Variants in MYO1B observed in about 807,000 individuals in gnomAD.
MYO1B encodes the protein myosin IB.
A neutral mutation model predicts 159.7 loss-of-function variants in MYO1B; 72 were observed. The ratio of observed to expected loss-of-function variants is 0.45; its 90% CI spans 0.37 to 0.55. The LOEUF is 0.55. Ranked by LOEUF, MYO1B falls within the 20% of genes least tolerant of loss-of-function variation. The pLI is 0.00. For missense variants in MYO1B, 1,062 were observed against 1,364.8 expected (o/e 0.78, Z 3.50); for synonymous variants, 468 against 473.8 (o/e 0.99, Z 0.16).
chr2:191,389,641 C>T (rs1222090044), intron 17 of MYO1B, among the ~76,000 whole-genome samples: 2 of 152,202 alleles, frequency 1.3e-5, no homozygotes, highest in Non-Finnish European at 2.9e-5. Flanking sequence ...CTGGCCACAT[C>T]TACTTGCAAA....
intron 24 of MYO1B, among the ~76,000 whole-genome samples, chr2:191,403,356 A>C (rs1311641525): frequency 2.0e-5 from 3 of 152,206 alleles, no homozygotes; most frequent in African/African-American, 4.8e-5. Context: ...GGGTACACTT[A>C]TGTGTACAGA....
intron 24 of MYO1B, among the ~76,000 whole-genome samples, chr2:191,403,561 C>T (rs1391641429): frequency 6.6e-6 from 1 of 152,148 alleles, no homozygotes; most frequent in Non-Finnish European, 1.5e-5. Context: ...GACATTTAAT[C>T]TTACTCCAAA....
intron 3 of MYO1B, among the ~76,000 whole-genome samples, chr2:191,303,050 A>C (rs1251826241): frequency 6.6e-6 from 1 of 152,218 alleles, no homozygotes; most frequent in Non-Finnish European, 1.5e-5. Flanking sequence ...ACTCCATTCA[A>C]GGTGAACCAA....
chr2:191,415,674 TTG>T (rs1697519322), intron 29 of MYO1B, among the ~76,000 whole-genome samples: 1 of 152,116 alleles, frequency 6.6e-6, no homozygotes, highest in Non-Finnish European at 1.5e-5. Flanking sequence ...CCTAGGATAT[TTG>T]TTGGAAGTGT....
intron 7 of MYO1B, among the ~76,000 whole-genome samples, chr2:191,355,669 G>A (rs1280698086): frequency 1.3e-5 from 2 of 152,244 alleles, no homozygotes; most frequent in Non-Finnish European, 2.9e-5. Context: ...TGTGTGCACA[G>A]TGTGGGGAAC....
At chr2:191,285,129 G>A (rs1314081092) in intron 2 of MYO1B, among the ~76,000 whole-genome samples, 1 of 152,062 alleles carries the variant, frequency 6.6e-6, no homozygotes. Flanking sequence ...TTTAATACAG[G>A]ACCACAGGAC....
chr2:191,330,098 A>G (rs1479443173), intron 4 of MYO1B, 69 bp downstream of exon 4: 7 of 1,349,458 alleles, frequency 5.2e-6, no homozygotes, highest in Admixed American at 1.8e-5. Context: ...AAAGAGGACC[A>G]GTAGGGCCTC....
Position 191,366,306 on chromosome 2 carries a change from AC to A in MYO1B, c.1032+2031del, listed in dbSNP as rs996280059. Reference sequence around the variant, plus strand: ...TAGTCACCTTACATCACTAAAGAAAACTTTCCACATTTTCTTAACCTTTGGC... The same window carrying A: ...TAGTCACCTTACATCACTAAAGAAAATTTCCACATTTTCTTAACCTTTGGC... On this transcript the variant is annotated intron_variant, in intron 11 of 30. Transcript: ENST00000392318. 2.9e-4 allele frequency among the ~76,000 whole-genome samples: 44 copies of A among 151,926 alleles called. 1 individual carries two copies. The highest frequency in any genetic ancestry group is 8.8e-5 in the Non-Finnish European group (6 of 68,008).
chr2:191,419,939 G>A (rs1422402625), intron 30 of MYO1B, among the ~76,000 whole-genome samples: 5 of 152,138 alleles, frequency 3.3e-5, no homozygotes, highest in Non-Finnish European at 5.9e-5. Context: ...AGTGGCTCAC[G>A]CCTGTAATCT....
At chr2:191,314,039 A>G (rs1179187032) in intron 3 of MYO1B, among the ~76,000 whole-genome samples, 1 of 152,232 alleles carries the variant, frequency 6.6e-6, no homozygotes, top group Non-Finnish European at 1.5e-5. Flanking sequence ...GCTGTTTGGT[A>G]ATTTAACTTG....
chr2:191,400,710 C>T (rs977184046), intron 22 of MYO1B, 39 bp from the exon 23 acceptor site: 6 of 1,607,486 alleles, frequency 3.7e-6, no homozygotes, highest in Non-Finnish European at 3.4e-6. Flanking sequence ...CCTTTCCTGC[C>T]TTAAACTTTT....
chr2:191,311,438 A>G (rs1178965240), intron 3 of MYO1B, among the ~76,000 whole-genome samples: 1 of 152,082 alleles, frequency 6.6e-6, no homozygotes, highest in Admixed American at 6.5e-5. Flanking sequence ...TATCCTCTAT[A>G]TTTTCATGAA....
Position 191,424,130 on chromosome 2 carries a change from C to A in MYO1B, c.*170C>A. The A allele has an allele frequency of 1.3e-6, 1 of 741,816 alleles. No individual in the cohort carries two copies. Among genetic ancestry groups the A allele is most frequent in the Non-Finnish European group, 2.2e-6 (1 of 456,272 alleles). The allele number at this position is 741,816 out of a possible 1,614,324, so 46.0% of individuals were successfully genotyped here. On this transcript the variant is annotated 3_prime_UTR_variant, in exon 31 of 31. Transcript: ENST00000392318. ...TTTTTATTATTGGAATAGTTTTAAC[C>A]TTTCAAATACATGTTCTGTCCTGGA...
intron 2 of MYO1B, among the ~76,000 whole-genome samples, chr2:191,289,841 T>A (rs1010645743): frequency 6.6e-6 from 1 of 152,216 alleles, no homozygotes; most frequent in Non-Finnish European, 1.5e-5. Flanking sequence ...AGAATTATGA[T>A]ATAAAAGATA....
At chr2:191,380,820 T>G (rs1282616658) in intron 13 of MYO1B, among the ~76,000 whole-genome samples, 1 of 152,128 alleles carries the variant, frequency 6.6e-6, no homozygotes, top group Non-Finnish European at 1.5e-5. Context: ...CCAATACATA[T>G]TGAGAACTTG....
intron 3 of MYO1B, among the ~76,000 whole-genome samples, chr2:191,308,052 G>A (rs1021889177): frequency 3.9e-5 from 6 of 152,024 alleles, no homozygotes; most frequent in African/African-American, 1.4e-4. Context: ...GGGGAGGTGG[G>A]GTTGAAAGAT....
rs73981571 is a variant in MYO1B, at chr2:191,343,295, C to T, written c.451+1730C>T. On this transcript the variant is annotated intron_variant, in intron 5 of 30. Coordinates refer to ENST00000392318, the MANE Select transcript of MYO1B (RefSeq NM_001130158.3). ...GAACTGCTTTGGGGTAGTTTTTTCC[C>T]AGTATGAAGGGTTAAAACCCTGCCC... 5.5e-3 allele frequency among the ~76,000 whole-genome samples: 840 copies of T among 152,246 alleles called. 7 individuals are homozygous for T. Among genetic ancestry groups the T allele is most frequent in the African/African-American group, 0.019 (803 of 41,542 alleles).
Position 191,414,158 on chromosome 2 carries a change from A to G in MYO1B, c.2984A>G (p.Lys995Arg). ...EKIIIAEVVN[K>R]INRANGKSTS... ...ATCATCATTGCTGAAGTCGTGAACAAAATTAACCGTGCTAATGGGAAGGTA... is the reference window on the plus strand; with the variant it reads ...ATCATCATTGCTGAAGTCGTGAACAGAATTAACCGTGCTAATGGGAAGGTA... The change falls in exon 28 of 31, where the codon AAA (lysine) becomes AGA (arginine). Residue 995 changes from lysine to arginine, a missense_variant. By Grantham distance (26) the Lys-to-Arg change is conservative (BLOSUM62 2). Coordinates refer to ENST00000392318, the MANE Select transcript of MYO1B (RefSeq NM_001130158.3). 1 of 1,613,308 alleles carries G rather than the reference A, an allele frequency of 6.2e-7. No individual in the cohort carries two copies. Among genetic ancestry groups the G allele is most frequent in the Non-Finnish European group, 8.5e-7 (1 of 1,179,668 alleles).
At position 191,423,988 on chromosome 2, in the gene MYO1B, C is replaced by CT. The variant is rs534281388; in HGVS notation, c.*30dup. On this transcript the variant is annotated 3_prime_UTR_variant, in exon 31 of 31. Coordinates refer to ENST00000392318, the MANE Select transcript of MYO1B (RefSeq NM_001130158.3). ...GGCGCCTCCTCTCTACTTTCATGGA[C>CT]TTGTTCCTTTGTAATAGTGCAATTT... 185 of 1,606,532 alleles carry CT rather than the reference C, an allele frequency of 1.2e-4. 1 individual carries two copies. In the African/African-American group the frequency reaches 2.3e-3, roughly 20 times the overall value.
Sources: allele counts gnomAD v4.1 joint callset (sites outside exome capture counted in the v4.1 genomes callset), GRCh38; gene constraint gnomAD v4.1.1; transcripts MANE v1.5; gene names NCBI Gene and HGNC (gene_info 2026-07-23, HGNC 2026-07-21).